FLT1: variants seen among roughly 807,000 people sequenced by gnomAD.
FLT1 encodes the protein fms related receptor tyrosine kinase 1.
In FLT1, 49 loss-of-function variants were observed where a neutral mutation model predicts 156.3. The ratio of observed to expected loss-of-function variants is 0.31; its 90% CI spans 0.25 to 0.40. The LOEUF (loss-of-function observed/expected upper bound fraction) is 0.40. Among genes scored for constraint, FLT1 ranks in the 10% least tolerant of loss-of-function variants. The probability of loss-of-function intolerance (pLI) is 1.00; values close to 1 mark genes in which losing one functional copy is unlikely to be tolerated. For missense variants in FLT1, 1,322 were observed against 1,637.2 expected (o/e 0.81, Z 3.32); for synonymous variants, 594 against 583.8 (o/e 1.02, Z -0.25).
chr13:28,335,731 G>A lies in FLT1; in HGVS notation c.2489-1602C>T, dbSNP rs1353898492. ...TTCTCTTTTTGTGAAACATGCTCCC[G>A]TAGTGATTACTAAATGACATTCCTC... On this transcript the variant is annotated intron_variant, in intron 17 of 29. Coordinates refer to ENST00000282397, the MANE Select transcript of FLT1 (RefSeq NM_002019.4). 4.6e-5 allele frequency among the ~76,000 whole-genome samples: 7 copies of A among 152,162 alleles called. No homozygotes were observed. The East Asian group carries it at 5.8e-4, about 13-fold the overall frequency.
chr13:28,323,310 G>C (rs1165232249), intron 20 of FLT1, among the ~76,000 whole-genome samples: 1 of 152,178 alleles, frequency 6.6e-6, no homozygotes, highest in Non-Finnish European at 1.5e-5. Context: ...TATACATGGA[G>C]AAACAGGTTC....
chr13:28,408,192 A>T (rs2137498341), intron 10 of FLT1, among the ~76,000 whole-genome samples: 1 of 152,324 alleles, frequency 6.6e-6, no homozygotes, highest in South Asian at 2.1e-4. Context: ...GCTTTAGGAA[A>T]TGCAAAGAAA....
intron 3 of FLT1, among the ~76,000 whole-genome samples, chr13:28,462,196 T>C (rs1314915111): frequency 6.6e-6 from 1 of 152,196 alleles, no homozygotes; most frequent in African/African-American, 2.4e-5. Flanking sequence ...TACTGACAAG[T>C]GTTAACTACT....
At chr13:28,456,904 T>G (rs1403982300) in intron 3 of FLT1, among the ~76,000 whole-genome samples, 1 of 152,196 alleles carries the variant, frequency 6.6e-6, no homozygotes, top group Non-Finnish European at 1.5e-5. Context: ...GAAAATACTC[T>G]GTATGGTACT....
chr13:28,427,925 T>C lies in FLT1; in HGVS notation c.1107-4A>G. ...CGCAGGTAACCCATCTTTTAACCTG[T>C]GGTTAAAAACATGATCAGTAAGTCA... On this transcript the variant is annotated splice_polypyrimidine_tract_variant and splice_region_variant and intron_variant, in intron 8 of 29. Coordinates refer to ENST00000282397, the MANE Select transcript of FLT1 (RefSeq NM_002019.4). The C allele has an allele frequency of 6.2e-7, 1 of 1,611,862 alleles. No homozygotes were observed. The highest frequency in any genetic ancestry group is 1.7e-5 in the Admixed American group (1 of 60,008).
intron 1 of FLT1, among the ~76,000 whole-genome samples, chr13:28,493,923 C>T (rs1215401593): frequency 6.6e-6 from 1 of 152,258 alleles, no homozygotes; most frequent in Non-Finnish European, 1.5e-5. Context: ...GCCCTCTCTT[C>T]GCTCGGATTT....
chr13:28,305,473 G>A (rs766489769), intron 29 of FLT1, among the ~76,000 whole-genome samples: 26 of 152,160 alleles, frequency 1.7e-4, no homozygotes, highest in Non-Finnish European at 2.8e-4. Flanking sequence ...CTCCCAAAGT[G>A]TTGAGACTAC....
At chr13:28,460,402 T>A (rs1280085325) in intron 3 of FLT1, among the ~76,000 whole-genome samples, 1 of 148,606 alleles carries the variant, frequency 6.7e-6, no homozygotes, top group African/African-American at 2.4e-5. Flanking sequence ...TCTGTGACTT[T>A]GCTTTTTATG....
At chr13:28,431,032 T>G in intron 7 of FLT1, 104 bp downstream of exon 7, 1 of 1,018,168 alleles carries the variant, frequency 9.8e-7, no homozygotes, top group Non-Finnish European at 1.6e-6. Flanking sequence ...TCATTCATGA[T>G]AATGTAACTC....
rs935402262 is a variant in FLT1 at position 28,434,366 on chromosome 13, A to G, written c.514-146T>C. The stretch of plus-strand genomic sequence containing the variant: ...TTTGCTTATAACAAACTAGGTTAAA[A>G]ACTCTAGTTTGTTATAATTGGTTCT... On this transcript the variant is annotated intron_variant, in intron 4 of 29. Coordinates refer to ENST00000282397, the MANE Select transcript of FLT1 (RefSeq NM_002019.4). 3 of 742,550 alleles carry G rather than the reference A, an allele frequency of 4.0e-6. No individual in the cohort carries two copies. The African/African-American group carries it at 5.3e-5, about 13-fold the overall frequency. The allele number at this position is 742,550 out of a possible 1,614,324, so 46.0% of individuals were successfully genotyped here.
intron 14 of FLT1, among the ~76,000 whole-genome samples, chr13:28,365,148 C>A (rs922220404): frequency 6.6e-6 from 1 of 152,074 alleles, no homozygotes; most frequent in African/African-American, 2.4e-5. Flanking sequence ...TATTGAGTAT[C>A]TTTGAGTTAT....
At chr13:28,355,064 TC>T (rs1007482302) in intron 15 of FLT1, among the ~76,000 whole-genome samples, 3 of 152,086 alleles carry the variant, frequency 2.0e-5, no homozygotes, top group African/African-American at 7.2e-5. Flanking sequence ...AATAACAGGA[TC>T]ACTGAAAGAG....
intron 25 of FLT1, among the ~76,000 whole-genome samples, chr13:28,316,093 T>C (rs1233725886): frequency 6.6e-6 from 1 of 152,208 alleles, no homozygotes; most frequent in African/African-American, 2.4e-5. Context: ...CTCAGCTCCC[T>C]GTACTTTTCT....
chr13:28,434,065 A>G lies in FLT1; in HGVS notation c.669T>C (p.His223=), dbSNP rs1279553510. 1 of 1,614,196 alleles carries G rather than the reference A, an allele frequency of 6.2e-7. No individual in the cohort carries two copies. The change falls in exon 5 of 30, where the codon CAT becomes CAC. Residue 223 remains histidine, a synonymous_variant. Transcript: ENST00000282397. ...GHLYKTNYLT[H]RQTNTIIDVQ... ...CTTTGAAGCATCACTTACTTTGTCG[A>G]TGTGTGAGATAGTTTGTCTTATACA...
At chr13:28,476,469 A>G (rs17628733) in intron 1 of FLT1, among the ~76,000 whole-genome samples, 10,957 of 152,278 alleles carry the variant, frequency 0.072, 527 homozygotes, top group Admixed American at 0.12. Flanking sequence ...AAGGTCCACA[A>G]TAGGACTGAA....
chr13:28,411,478 G>A (rs1263788825), intron 10 of FLT1, among the ~76,000 whole-genome samples: 4 of 149,296 alleles, frequency 2.7e-5, no homozygotes, highest in Non-Finnish European at 5.9e-5. Context: ...CCTGGGAGGT[G>A]GAGTTTGCAG....
intron 1 of FLT1, among the ~76,000 whole-genome samples, chr13:28,494,066 G>C (rs1881610674): frequency 2.0e-5 from 3 of 152,204 alleles, no homozygotes; most frequent in Non-Finnish European, 4.4e-5. Flanking sequence ...GGCCCCACCC[G>C]GGTGGCTGAG....
At chr13:28,311,510 T>C (rs1000864706) in intron 27 of FLT1, 80 bp downstream of exon 27, 14 of 1,218,652 alleles carry the variant, frequency 1.1e-5, no homozygotes, top group Non-Finnish European at 1.4e-5. Context: ...CTCTTTCGTC[T>C]TTCTTTCTCT....
At chr13:28,493,743 T>C (rs1011517483) in intron 1 of FLT1, among the ~76,000 whole-genome samples, 2 of 152,126 alleles carry the variant, frequency 1.3e-5, no homozygotes, top group African/African-American at 4.8e-5. Flanking sequence ...GTCCGAACCC[T>C]CAAGTTCCTC....
Sources: allele counts gnomAD v4.1 joint callset (sites outside exome capture counted in the v4.1 genomes callset), GRCh38; gene constraint gnomAD v4.1.1; transcripts MANE v1.5; gene names NCBI Gene and HGNC (gene_info 2026-07-23, HGNC 2026-07-21).